Variants in ZFYVE9 observed in about 807,000 individuals in gnomAD.
ZFYVE9 encodes zinc finger FYVE domain-containing protein 9.
ZFYVE9 carries 43 observed loss-of-function variants against 126.7 expected under a neutral mutation model. That is an observed-to-expected ratio of 0.34 (90% CI 0.27 to 0.44). The LOEUF is 0.44. Among genes scored for constraint, ZFYVE9 ranks in the 20% least tolerant of loss-of-function variants. ZFYVE9 has a pLI of 1.00. For missense variants in ZFYVE9, 1,476 were observed against 1,697.0 expected, an observed-to-expected ratio of 0.87 and a Z score of 2.29; for synonymous variants, 521 against 597.4, an observed-to-expected ratio of 0.87 and a Z score of 1.87.
chr1:52,308,047 C>T (rs55770375), intron 13 of ZFYVE9, among the ~76,000 whole-genome samples: 3 of 152,264 alleles, frequency 2.0e-5, no homozygotes, highest in Non-Finnish European at 4.4e-5. Context: ...CCACTGTGCC[C>T]GGCCACAAAC....
At chr1:52,205,129 C>T (rs1026758217) in intron 1 of ZFYVE9, among the ~76,000 whole-genome samples, 2 of 140,152 alleles carry the variant, frequency 1.4e-5, no homozygotes, top group Non-Finnish European at 3.0e-5. Context: ...GGCTGGAGTG[C>T]GGTGGCATGA....
intron 13 of ZFYVE9, 88 bp from the exon 14 acceptor site, chr1:52,332,676 TGTTA>T (rs1646353070): frequency 1.3e-5 from 19 of 1,447,266 alleles, no homozygotes; most frequent in Non-Finnish European, 1.5e-5. Context: ...CGTAATATTC[TGTTA>T]GTTTTGTTTT....
chr1:52,336,376 T>G lies in ZFYVE9; in HGVS notation c.3671-1396T>G, dbSNP rs951372039. 2.2e-4 allele frequency among the ~76,000 whole-genome samples: 30 copies of G among 139,196 alleles called. 2 individuals carry two copies. The highest frequency in any genetic ancestry group is 7.1e-4 in the African/African-American group (24 of 33,686). The allele number at this position is 139,196 out of a possible 152,430, so 91.3% of individuals were successfully genotyped here. The stretch of plus-strand genomic sequence containing the variant: ...TCTAAGAGGTTTTTTTTGTTTTTTT[T>G]TTTTTTTTTTTAAGATGGAGGCTTG... On this transcript the variant is annotated intron_variant, in intron 15 of 18. Coordinates refer to ENST00000287727, the MANE Select transcript of ZFYVE9 (RefSeq NM_004799.4).
rs749890553 is a variant in ZFYVE9 at position 52,238,665 on chromosome 1, C to T, written c.1248C>T (p.Asn416=). ...ATGAGATGAATGATAGCCAAGTAAA[C>T]GAAGAAAAGGAAAAGTTTCTACAGA... The part of the protein sequence containing the change: ...KLNEMNDSQV[N]EEKEKFLQIS... Residue 416 remains asparagine, a synonymous_variant, in exon 4 of 19, where the codon AAC becomes AAT. Coordinates refer to ENST00000287727, the MANE Select transcript of ZFYVE9 (RefSeq NM_004799.4). 49 of 1,613,840 alleles carry T rather than the reference C, an allele frequency of 3.0e-5. No homozygotes were observed. The highest frequency in any genetic ancestry group is 3.6e-5 in the Non-Finnish European group (43 of 1,179,964).
intron 10 of ZFYVE9, among the ~76,000 whole-genome samples, chr1:52,289,775 A>G (rs560963967): frequency 6.6e-5 from 10 of 152,324 alleles, no homozygotes; most frequent in African/African-American, 1.2e-4. Flanking sequence ...TTGGTAATCT[A>G]CATTTTTTAA....
intron 13 of ZFYVE9, among the ~76,000 whole-genome samples, chr1:52,324,616 C>T (rs369258063): frequency 6.6e-6 from 1 of 152,174 alleles, no homozygotes; most frequent in Non-Finnish European, 1.5e-5. Flanking sequence ...TTTTCTCCTC[C>T]ATTTTCCTGT....
At chr1:52,294,417 A>C (rs1334189482) in intron 11 of ZFYVE9, among the ~76,000 whole-genome samples, 3 of 152,232 alleles carry the variant, frequency 2.0e-5, no homozygotes, top group African/African-American at 7.2e-5. Flanking sequence ...TATAAACCAT[A>C]AAACAGTTTA....
intron 4 of ZFYVE9, among the ~76,000 whole-genome samples, chr1:52,257,676 C>A (rs1305644072): frequency 2.0e-5 from 3 of 152,144 alleles, no homozygotes; most frequent in African/African-American, 7.2e-5. Context: ...ATCATATAGT[C>A]CTTCCCCAAA....
rs145427024 is a variant in ZFYVE9, at chr1:52,315,466, G to A, written c.3438+11541G>A. ...CATATATTAAATAGTAATGTATTGC[G>A]GAATTTATACCATATGTAGAGACAA... On this transcript the variant is annotated intron_variant, in intron 13 of 18. Coordinates refer to ENST00000287727, the MANE Select transcript of ZFYVE9 (RefSeq NM_004799.4). Among the ~76,000 whole-genome samples, 20 of 152,172 alleles carry A rather than the reference G, an allele frequency of 1.3e-4. No individual in the cohort carries two copies. The East Asian group carries it at 1.5e-3, about 12-fold the overall frequency.
chr1:52,142,932 C>T lies in ZFYVE9; in HGVS notation c.-143+529C>T, dbSNP rs570970416. ...TACTCCTGGAGTGTCATTCATGGAT[C>T]TGGCTTGCTCGAGAACAACCTTTTG... On this transcript the variant is annotated intron_variant, in intron 1 of 18. Transcript: ENST00000287727. This position sits in a 1 kb window ranked among gnomAD's most constrained non-coding sequence, Gnocchi z 4.5. Among the ~76,000 whole-genome samples, 1 of 152,130 alleles carries T rather than the reference C, an allele frequency of 6.6e-6. No individual in the cohort carries two copies. The highest frequency in any genetic ancestry group is 1.5e-5 in the Non-Finnish European group (1 of 68,012).
At chr1:52,256,325 C>T (rs1645518893) in intron 4 of ZFYVE9, among the ~76,000 whole-genome samples, 1 of 151,888 alleles carries the variant, frequency 6.6e-6, no homozygotes, top group African/African-American at 2.4e-5. Context: ...CATCAGCCTC[C>T]CAAAGTGCTG....
At position 52,233,089 on chromosome 1, in the gene ZFYVE9, G is replaced by C. The variant is rs559067378; in HGVS notation, c.-36-82G>C. 3.5e-5 allele frequency: 18 copies of C among 518,864 alleles called. No individual in the cohort carries two copies. In the East Asian group the frequency reaches 7.0e-4, roughly 20 times the overall value. 32.1% of individuals were successfully genotyped at this position (518,864 alleles called of 1,614,324 possible). On this transcript the variant is annotated intron_variant, in intron 2 of 18. Transcript: ENST00000287727. ...TACCATTATCTGGAAAGATTTATAA[G>C]AGATTTTATCCTTGTGTATATACTT... is the stretch of plus-strand genomic sequence containing the variant.
At chr1:52,319,881 T>C (rs1031479073) in intron 13 of ZFYVE9, among the ~76,000 whole-genome samples, 2 of 149,596 alleles carry the variant, frequency 1.3e-5, no homozygotes, top group African/African-American at 2.5e-5. Context: ...GGCGTGGTAA[T>C]GTGTGCCTGT....
chr1:52,190,030 A>G (rs1644802616), intron 1 of ZFYVE9: 2 of 155,616 alleles, frequency 1.3e-5, no homozygotes, highest in African/African-American at 4.8e-5. Flanking sequence ...TATGTTGATG[A>G]GAAGTGAGTA....
chr1:52,215,359 A>G (rs1645062688), intron 1 of ZFYVE9, among the ~76,000 whole-genome samples: 2 of 152,180 alleles, frequency 1.3e-5, no homozygotes, highest in Non-Finnish European at 2.9e-5. Context: ...AGACAGGGAA[A>G]TCTTTTACCA....
In ZFYVE9 at chr1:52,184,502, T is replaced by C. The variant is rs528010802; in HGVS notation, c.-142-31867T>C. On this transcript the variant is annotated intron_variant, in intron 1 of 18. Coordinates refer to ENST00000287727, the MANE Select transcript of ZFYVE9 (RefSeq NM_004799.4). ...CTCAGGTGATCCACCTGCCTTTTTC[T>C]CCCAAATTTCTGGGATTACAGGTGT... is the stretch of plus-strand genomic sequence containing the variant. 6.2e-3 allele frequency among the ~76,000 whole-genome samples: 901 copies of C among 144,432 alleles called. 2 individuals are homozygous for C. Among genetic ancestry groups the C allele is most frequent in the Admixed American group, 0.013 (182 of 14,000 alleles). 94.8% of individuals were successfully genotyped at this position (144,432 alleles called of 152,430 possible).
intron 1 of ZFYVE9, among the ~76,000 whole-genome samples, chr1:52,173,835 G>T: frequency 6.6e-6 from 1 of 152,112 alleles, no homozygotes; most frequent in Non-Finnish European, 1.5e-5. Flanking sequence ...ATTCCTGTGA[G>T]ATCGGTGGTG....
chr1:52,187,990 G>A (rs575353986), intron 1 of ZFYVE9, among the ~76,000 whole-genome samples: 8 of 152,238 alleles, frequency 5.3e-5, no homozygotes, highest in African/African-American at 1.9e-4. Context: ...ATACCCAAAG[G>A]AATATAAATT....
chr1:52,346,553 G>A lies in ZFYVE9; in HGVS notation c.*332G>A. ...TCTCTCAAGATTTACTTATGGTCAT[G>A]TGCTCAGAAATGCTCAAATGGGTAC... On this transcript the variant is annotated 3_prime_UTR_variant, in exon 19 of 19. Transcript: ENST00000287727. 2.4e-6 allele frequency: 1 copy of A among 411,870 alleles called. No homozygotes were observed. The highest frequency in any genetic ancestry group is 3.5e-5 in the East Asian group (1 of 28,942). 25.5% of individuals were successfully genotyped at this position (411,870 alleles called of 1,614,324 possible). A position where few individuals can be genotyped will look rare whatever the true frequency, so the allele number is the denominator to read the frequency against.
Sources: gnomAD v4.1 joint callset for allele counts (sites outside exome capture counted in the v4.1 genomes callset) on GRCh38, gnomAD v4.1.1 for gene constraint, Gnocchi (gnomAD v3.1) non-coding constraint, MANE v1.5 for transcripts, NCBI Gene and HGNC (gene_info 2026-07-23, HGNC 2026-07-21) for gene names.